Variants in HECA observed in about 807,000 individuals in gnomAD.
HECA encodes the protein headcase protein homolog.
Under a neutral mutation model 37.6 loss-of-function variants are expected in HECA, and 13 were observed. The observed-to-expected ratio is 0.35, with a 90% CI of 0.23 to 0.55. HECA has a LOEUF of 0.55. HECA is among the 20% of genes least tolerant of loss of function. HECA has a pLI of 0.90. For synonymous variants in HECA, 307 were observed against 291.5 expected (o/e 1.05, Z -0.54); for missense variants, 527 against 701.9 (o/e 0.75, Z 2.82).
At chr6:139,174,672 G>A (rs1775025777) in intron 3 of HECA, 133 bp downstream of exon 3, 1 of 1,333,536 alleles carries the variant, frequency 7.5e-7, no homozygotes, top group Admixed American at 2.7e-5. Flanking sequence ...TACTTGTAAT[G>A]TAGTCATTTA....
At chr6:139,149,919 A>C (rs1246858620) in intron 1 of HECA, among the ~76,000 whole-genome samples, 2 of 152,206 alleles carry the variant, frequency 1.3e-5, no homozygotes, top group Admixed American at 1.3e-4. Flanking sequence ...TGATTTTGTT[A>C]TAACAGCAGA....
chr6:139,162,202 GC>G (rs372210931), intron 1 of HECA, among the ~76,000 whole-genome samples: 4 of 152,088 alleles, frequency 2.6e-5, no homozygotes, highest in African/African-American at 9.7e-5. Context: ...TAAGATTGGG[GC>G]CAGACCATCA....
intron 1 of HECA, among the ~76,000 whole-genome samples, chr6:139,157,686 G>T (rs868095507): frequency 1.3e-5 from 2 of 152,324 alleles, no homozygotes; most frequent in Middle Eastern, 3.4e-3. Flanking sequence ...GCATGCAAGT[G>T]GCAACATTTG....
chr6:139,166,277 C>A lies in HECA; in HGVS notation c.272-7C>A. The stretch of plus-strand genomic sequence containing the variant: ...TGAAATCTGTTCTCTCTTTATTCCT[C>A]CCCCAGAAGCCCCATGTGCCACTCC... On this transcript the variant is annotated splice_polypyrimidine_tract_variant and splice_region_variant and intron_variant, in intron 1 of 3. Transcript: ENST00000367658. The A allele has an allele frequency of 6.3e-7, 1 of 1,581,010 alleles. No individual in the cohort carries two copies. The highest frequency in any genetic ancestry group is 8.6e-7 in the Non-Finnish European group (1 of 1,162,106).
At chr6:139,150,638 C>T (rs1172905736) in intron 1 of HECA, among the ~76,000 whole-genome samples, 1 of 151,152 alleles carries the variant, frequency 6.6e-6, no homozygotes, top group Non-Finnish European at 1.5e-5. Context: ...ATAACAAATT[C>T]TATAATAGTA....
intron 1 of HECA, among the ~76,000 whole-genome samples, chr6:139,157,051 A>G (rs1774726292): frequency 1.3e-5 from 2 of 152,246 alleles, no homozygotes; most frequent in African/African-American, 4.8e-5. Flanking sequence ...AGCAGCCCCA[A>G]GGGCTGCTGG....
intron 1 of HECA, among the ~76,000 whole-genome samples, chr6:139,141,385 G>T (rs1033161554): frequency 3.9e-5 from 6 of 152,146 alleles, no homozygotes; most frequent in Admixed American, 3.9e-4. Context: ...TTTTAGCAGA[G>T]CAGTAAATAT....
intron 1 of HECA, among the ~76,000 whole-genome samples, chr6:139,165,709 A>C (rs988265877): frequency 6.6e-6 from 1 of 152,056 alleles, no homozygotes; most frequent in Non-Finnish European, 1.5e-5. Flanking sequence ...ATATCCATGA[A>C]TCATGTTTAT....
Position 139,167,318 on chromosome 6 carries a change from C to G in HECA, c.1306C>G (p.Leu436Val), listed in dbSNP as rs1464917609. The G allele has an allele frequency of 6.3e-7, 1 of 1,581,962 alleles. No homozygotes were observed. The highest frequency in any genetic ancestry group is 1.1e-5 in the South Asian group (1 of 89,406). The change falls in exon 2 of 4, where the codon CTT (leucine) becomes GTT (valine). Residue 436 changes from leucine to valine, a missense_variant. Transcript: ENST00000367658. ...GATCGAATATGATGTTCCTTGTCAC[C>G]TTCAAGGTATAGGTGTTAATTCACC... The part of the protein sequence containing the change: ...DEIEYDVPCH[L>V]QGRLMHLYAV...
intron 1 of HECA, among the ~76,000 whole-genome samples, chr6:139,139,174 G>T (rs1458151727): frequency 6.6e-6 from 1 of 152,214 alleles, no homozygotes; most frequent in African/African-American, 2.4e-5. Flanking sequence ...TCATGGAACT[G>T]TTTCTAGCAG....
At chr6:139,137,386 C>T (rs1774461334) in intron 1 of HECA, among the ~76,000 whole-genome samples, 1 of 152,080 alleles carries the variant, frequency 6.6e-6, no homozygotes, top group African/African-American at 2.4e-5. Context: ...CTATTATGCT[C>T]CCAGTTCTTG....
chr6:139,156,888 C>T (rs112755685), intron 1 of HECA, among the ~76,000 whole-genome samples: 5 of 152,308 alleles, frequency 3.3e-5, no homozygotes, highest in African/African-American at 1.2e-4. Context: ...TTTAAAAATA[C>T]ATATTGTTAC....
intron 1 of HECA, among the ~76,000 whole-genome samples, chr6:139,165,012 C>T (rs538641682): frequency 3.3e-5 from 5 of 152,306 alleles, no homozygotes; most frequent in East Asian, 1.9e-4. Flanking sequence ...AGTCAGCTAA[C>T]GACAAGAACA....
At chr6:139,140,074 A>G (rs1228753203) in intron 1 of HECA, among the ~76,000 whole-genome samples, 3 of 152,316 alleles carry the variant, frequency 2.0e-5, no homozygotes. Context: ...CCTGTTCCCT[A>G]TGCACAGGAT....
rs1774413712 is a variant in HECA at position 139,135,180 on chromosome 6, C to T, written c.-217C>T. On this transcript the variant is annotated 5_prime_UTR_variant, in exon 1 of 4. Coordinates refer to ENST00000367658, the MANE Select transcript of HECA (RefSeq NM_016217.3). ...CCCGCGGCGCCCGCGCGGCTGCGAG[C>T]CTCGGGTGGCCGCGTGCCGGCTCCA... is the stretch of plus-strand genomic sequence containing the variant. 8.9e-6 allele frequency: 2 copies of T among 225,618 alleles called. No individual in the cohort carries two copies. Among genetic ancestry groups the T allele is most frequent in the Non-Finnish European group, 1.6e-5 (2 of 124,124 alleles). The allele number at this position is 225,618 out of a possible 1,614,324, so 14.0% of individuals were successfully genotyped here.
At chr6:139,162,468 C>A (rs1437164128) in intron 1 of HECA, among the ~76,000 whole-genome samples, 1 of 152,180 alleles carries the variant, frequency 6.6e-6, no homozygotes, top group Admixed American at 6.5e-5. Flanking sequence ...CAAGAGCATG[C>A]AGCTCATAAA....
At chr6:139,173,498 G>A (rs1009194839) in intron 2 of HECA, among the ~76,000 whole-genome samples, 1 of 152,206 alleles carries the variant, frequency 6.6e-6, no homozygotes, top group African/African-American at 2.4e-5. Flanking sequence ...AAGACCCATA[G>A]TCTGACTGAT....
intron 2 of HECA, among the ~76,000 whole-genome samples, chr6:139,173,353 A>G (rs949630362): frequency 6.6e-6 from 1 of 152,198 alleles, no homozygotes; most frequent in African/African-American, 2.4e-5. Flanking sequence ...TGACTAAGAC[A>G]TGGTTCTTGC....
chr6:139,141,565 A>G (rs1431385894), intron 1 of HECA, among the ~76,000 whole-genome samples: 1 of 152,192 alleles, frequency 6.6e-6, no homozygotes, highest in Admixed American at 6.5e-5. Flanking sequence ...TTTATAAACA[A>G]TAGAAATTTA....
Sources: allele counts gnomAD v4.1 joint callset (sites outside exome capture counted in the v4.1 genomes callset), GRCh38; gene constraint gnomAD v4.1.1; transcripts MANE v1.5; gene names NCBI Gene and HGNC (gene_info 2026-07-23, HGNC 2026-07-21).